The following PTPRN2 variants were observed in gnomAD, a reference collection of about 807,000 sequenced individuals.
PTPRN2 encodes receptor-type tyrosine-protein phosphatase N2.
PTPRN2 carries 74 observed loss-of-function variants against 118.8 expected under a neutral mutation model. That is an observed-to-expected ratio of 0.62 (90% CI 0.52 to 0.76). PTPRN2 has a LOEUF of 0.76. Ranked by LOEUF, PTPRN2 falls within the 30% of genes least tolerant of loss-of-function variation. The pLI, the probability that PTPRN2 is intolerant of heterozygous loss-of-function variation, is 0.00. For synonymous variants in PTPRN2, 641 were observed against 608.0 expected (o/e 1.05, Z -0.80); for missense variants, 1,481 against 1,394.4 (o/e 1.06, Z -0.99).
chr7:158,098,031 C>G (rs1307378836), intron 10 of PTPRN2, among the ~76,000 whole-genome samples: 1 of 152,088 alleles, frequency 6.6e-6, no homozygotes, highest in African/African-American at 2.4e-5. Context: ...ACAGCCCACA[C>G]CCCCGTCCGT....
At chr7:158,074,777 G>A (rs542063832) in intron 11 of PTPRN2, among the ~76,000 whole-genome samples, 1 of 152,332 alleles carries the variant, frequency 6.6e-6, no homozygotes, top group African/African-American at 2.4e-5. Context: ...TGAGTCGGAG[G>A]GGACAAGGCA....
intron 12 of PTPRN2, among the ~76,000 whole-genome samples, chr7:157,721,242 G>A (rs902605269): frequency 5.9e-5 from 9 of 152,182 alleles, no homozygotes; most frequent in African/African-American, 2.2e-4. Flanking sequence ...GTGTTGCTCT[G>A]GGTGCTGCAT....
intron 11 of PTPRN2, among the ~76,000 whole-genome samples, chr7:158,080,314 C>CAAAAAAAAAAAAAAAAAAAAAAA (rs556546951): frequency 1.4e-5 from 1 of 72,226 alleles, no homozygotes; most frequent in Non-Finnish European, 2.5e-5. Context: ...CAAATTTAAG[C>CAAAAAAAAAAAAAAAAAAAAAAA]AAAAAAAAAA....
rs563351122 is a variant in PTPRN2, at chr7:157,863,422, A to G, written c.1788+35251T>C. The G allele has an allele frequency of 7.2e-5, 11 of 152,350 alleles. No individual in the cohort carries two copies. In the South Asian group the frequency reaches 1.7e-3, roughly 23 times the overall value. The allele number at this position is 152,350 out of a possible 1,614,324, so 9.4% of individuals were successfully genotyped here. On this transcript the variant is annotated intron_variant, in intron 12 of 22. Coordinates refer to ENST00000389418, the MANE Select transcript of PTPRN2 (RefSeq NM_002847.5). ...GCGACGCGTCTCAGAGACCTCTGCCAGGGTCAATCCTGGCCCATGCTACTA... is the reference window on the plus strand; with the variant it reads ...GCGACGCGTCTCAGAGACCTCTGCCGGGGTCAATCCTGGCCCATGCTACTA...
At chr7:157,756,064 G>A (rs1034742816) in intron 12 of PTPRN2, among the ~76,000 whole-genome samples, 1 of 152,134 alleles carries the variant, frequency 6.6e-6, no homozygotes, top group Non-Finnish European at 1.5e-5. Context: ...TTGTACCACT[G>A]CACAAAAATA....
intron 2 of PTPRN2, among the ~76,000 whole-genome samples, chr7:158,388,169 C>G (rs1382043837): frequency 6.6e-6 from 1 of 152,134 alleles, no homozygotes; most frequent in Non-Finnish European, 1.5e-5. Context: ...GCAAGGAGCA[C>G]CCCTGTCCAC....
chr7:157,832,170 C>T (rs1243235513), intron 12 of PTPRN2, among the ~76,000 whole-genome samples: 1 of 152,222 alleles, frequency 6.6e-6, no homozygotes, highest in Non-Finnish European at 1.5e-5. Flanking sequence ...GCTCAGGACT[C>T]GAGCTCTGTG....
At chr7:158,269,874 A>G (rs990769699) in intron 3 of PTPRN2, among the ~76,000 whole-genome samples, 1 of 148,862 alleles carries the variant, frequency 6.7e-6, no homozygotes, top group African/African-American at 2.6e-5. Context: ...AGAGACAGAA[A>G]GAGACAGAGA....
chr7:158,059,624 C>T (rs1585300078), intron 11 of PTPRN2, among the ~76,000 whole-genome samples: 4 of 113,324 alleles, frequency 3.5e-5, no homozygotes, highest in Non-Finnish European at 5.3e-5. Context: ...GGTGACACAT[C>T]ACTGCAGCCA....
intron 9 of PTPRN2, among the ~76,000 whole-genome samples, chr7:158,119,150 T>C (rs575543230): frequency 1.3e-5 from 2 of 152,282 alleles, no homozygotes; most frequent in African/African-American, 4.8e-5. Context: ...CTAGCGTGTA[T>C]AGAGTACTCT....
intron 1 of PTPRN2, among the ~76,000 whole-genome samples, chr7:158,496,248 C>T (rs1434381997): frequency 1.5e-5 from 2 of 135,278 alleles, no homozygotes; most frequent in East Asian, 2.4e-4. Context: ...CCCTTCCCTG[C>T]ACCCCTTCAT....
At position 157,901,378 on chromosome 7, in the gene PTPRN2, C is replaced by A. The variant is rs144853862; in HGVS notation, c.1724-2641G>T. 6.4e-3 allele frequency among the ~76,000 whole-genome samples: 981 copies of A among 152,170 alleles called. 13 individuals carry two copies. Among genetic ancestry groups the A allele is most frequent in the African/African-American group, 0.023 (944 of 41,518 alleles). On this transcript the variant is annotated intron_variant, in intron 11 of 22. Coordinates refer to ENST00000389418, the MANE Select transcript of PTPRN2 (RefSeq NM_002847.5). ...ATGGGGACCGAATTTCAACATGAGGCATGGCGGGGCCGAACCAACCAGATA... is the reference window on the plus strand; with the variant it reads ...ATGGGGACCGAATTTCAACATGAGGAATGGCGGGGCCGAACCAACCAGATA...
chr7:157,645,088 G>A (rs1003593486), intron 14 of PTPRN2, among the ~76,000 whole-genome samples: 1 of 152,226 alleles, frequency 6.6e-6, no homozygotes, highest in African/African-American at 2.4e-5. Context: ...AGACGAACAG[G>A]AGCAGAACAG....
intron 12 of PTPRN2, among the ~76,000 whole-genome samples, chr7:157,750,043 G>A (rs1801368695): frequency 6.6e-6 from 1 of 152,074 alleles, no homozygotes; most frequent in Non-Finnish European, 1.5e-5. Context: ...CTGCTTCTCT[G>A]TGCTGTGGGC....
rs939646427 is a variant in PTPRN2 at position 157,619,318 on chromosome 7, C to T, written c.2344+2044G>A. On this transcript the variant is annotated intron_variant, in intron 15 of 22. Transcript: ENST00000389418. This position sits in a 1 kb window ranked among gnomAD's most constrained non-coding sequence, Gnocchi z 5.3. ...GACACACAGAGACATATAATGCACG[C>T]TTACTGCATGGCTATTTACCACGAA... 6.6e-6 allele frequency among the ~76,000 whole-genome samples: 1 copy of T among 152,178 alleles called. No individual in the cohort carries two copies. The highest frequency in any genetic ancestry group is 1.5e-5 in the Non-Finnish European group (1 of 68,038).
At chr7:158,317,089 G>A (rs1417083351) in intron 2 of PTPRN2, among the ~76,000 whole-genome samples, 157 bp from the exon 3 acceptor site, 7 of 152,196 alleles carry the variant, frequency 4.6e-5, no homozygotes, top group East Asian at 1.9e-4. Flanking sequence ...GGGAGCACCC[G>A]GAGGATGCTG....
At chr7:157,973,271 G>A (rs1802480116) in intron 11 of PTPRN2, among the ~76,000 whole-genome samples, 1 of 152,078 alleles carries the variant, frequency 6.6e-6, no homozygotes, top group Non-Finnish European at 1.5e-5. Flanking sequence ...TAGTTCATGG[G>A]CTGATAGGAC....
Position 158,183,771 on chromosome 7 carries a change from C to T in PTPRN2, c.549+8556G>A, listed in dbSNP as rs145924280. ...ACACTGTGGGGCTTACAGTTCTTTG[C>T]TTGGCTCACAGTGTAGGCTGCAGCC... On this transcript the variant is annotated intron_variant, in intron 5 of 22. Transcript: ENST00000389418. Among the ~76,000 whole-genome samples, 1,166 of 152,288 alleles carry T rather than the reference C, an allele frequency of 7.7e-3. 6 individuals carry two copies. Among genetic ancestry groups the T allele is most frequent in the Non-Finnish European group, 0.013 (861 of 68,022 alleles).
At chr7:158,581,978 T>C (rs1006145804) in intron 1 of PTPRN2, among the ~76,000 whole-genome samples, 1 of 152,194 alleles carries the variant, frequency 6.6e-6, no homozygotes, top group African/African-American at 2.4e-5. Context: ...CCTCACCCAT[T>C]TTTACTTCCT....
Sources: allele counts gnomAD v4.1 joint callset (sites outside exome capture counted in the v4.1 genomes callset), GRCh38; gene constraint gnomAD v4.1.1; non-coding constraint Gnocchi (gnomAD v3.1); transcripts MANE v1.5; gene names NCBI Gene and HGNC (gene_info 2026-07-23, HGNC 2026-07-21).